Variants in AUTS2 observed in about 807,000 individuals in gnomAD.
AUTS2 encodes activator of transcription and developmental regulator AUTS2.
AUTS2 carries 17 observed loss-of-function variants against 112.4 expected under a neutral mutation model. The observed-to-expected ratio is 0.15, with a 90% CI of 0.10 to 0.23. AUTS2 has a LOEUF of 0.23. Among genes scored for constraint, AUTS2 ranks in the 10% least tolerant of loss-of-function variants. The probability of loss-of-function intolerance (pLI) is 1.00; values close to 1 mark genes in which losing one functional copy is unlikely to be tolerated. For synonymous variants in AUTS2, 751 were observed against 702.7 expected (o/e 1.07, Z -1.09); for missense variants, 1,510 against 1,701.6 (o/e 0.89, Z 1.98).
intron 4 of AUTS2, among the ~76,000 whole-genome samples, chr7:70,333,078 A>G (rs1248080416): frequency 6.6e-6 from 1 of 152,250 alleles, no homozygotes; most frequent in African/African-American, 2.4e-5. Context: ...ACAAAGAGCT[A>G]CTATCCAGAA....
chr7:70,588,644 T>C (rs924128617), intron 5 of AUTS2, among the ~76,000 whole-genome samples: 9 of 152,346 alleles, frequency 5.9e-5, no homozygotes, highest in South Asian at 2.1e-4. Context: ...CGCTGTTGCC[T>C]TTCAACAAGA....
At chr7:70,101,523 C>T (rs1302685496) in intron 2 of AUTS2, among the ~76,000 whole-genome samples, 1 of 151,872 alleles carries the variant, frequency 6.6e-6, no homozygotes, top group Non-Finnish European at 1.5e-5. Context: ...AGTGAAACAC[C>T]GTCTTTACTA....
intron 1 of AUTS2, among the ~76,000 whole-genome samples, chr7:69,712,236 T>C (rs560981883): frequency 6.6e-6 from 1 of 152,178 alleles, no homozygotes; most frequent in African/African-American, 2.4e-5. Flanking sequence ...TGAAGTAAAA[T>C]TGACATGTAA....
chr7:70,684,135 A>G (rs569679414), intron 5 of AUTS2, among the ~76,000 whole-genome samples: 9 of 134,864 alleles, frequency 6.7e-5, no homozygotes, highest in South Asian at 2.3e-4. Flanking sequence ...AAGGCTAGGG[A>G]AAAAAAAAAA....
At chr7:70,649,675 C>T (rs1192007370) in intron 5 of AUTS2, among the ~76,000 whole-genome samples, 1 of 152,042 alleles carries the variant, frequency 6.6e-6, no homozygotes, top group African/African-American at 2.4e-5. Context: ...ATTACAGGTG[C>T]CCACCACCAT....
intron 5 of AUTS2, among the ~76,000 whole-genome samples, chr7:70,469,743 C>T (rs12531095): frequency 2.6e-5 from 4 of 152,160 alleles, no homozygotes; most frequent in Admixed American, 6.5e-5. Context: ...TGGGTTCAAG[C>T]GATTCTCCTG....
chr7:69,974,702 A>C (rs1797987429), intron 2 of AUTS2, among the ~76,000 whole-genome samples: 1 of 152,170 alleles, frequency 6.6e-6, no homozygotes, highest in South Asian at 2.1e-4. Context: ...ACGTGCCCAA[A>C]TAGGGCATCT....
intron 1 of AUTS2, among the ~76,000 whole-genome samples, chr7:69,817,097 C>G (rs1470631825): frequency 6.6e-6 from 1 of 152,226 alleles, no homozygotes; most frequent in African/African-American, 2.4e-5. Context: ...GTTTGCCATT[C>G]TTCTTCATCA....
chr7:69,968,739 A>T (rs1797728021), intron 2 of AUTS2, among the ~76,000 whole-genome samples: 1 of 152,126 alleles, frequency 6.6e-6, no homozygotes, highest in Non-Finnish European at 1.5e-5. Flanking sequence ...AAATTGTGCG[A>T]CTGTCTTTAT....
chr7:70,307,528 A>T (rs1436552596), intron 4 of AUTS2, among the ~76,000 whole-genome samples: 1 of 152,230 alleles, frequency 6.6e-6, no homozygotes. Context: ...AGTTTTTCTT[A>T]TGTGCCAGAC....
At chr7:70,773,188 T>C (rs1405337699) in intron 11 of AUTS2, among the ~76,000 whole-genome samples, 2 of 152,146 alleles carry the variant, frequency 1.3e-5, no homozygotes. Context: ...CTTCTCCTTG[T>C]AGGCAAGCTT....
intron 4 of AUTS2, among the ~76,000 whole-genome samples, chr7:70,361,385 A>G (rs1792258959): frequency 6.6e-6 from 1 of 151,978 alleles, no homozygotes; most frequent in Non-Finnish European, 1.5e-5. Context: ...ACGATAGAGC[A>G]AAGTATTTTG....
chr7:69,705,334 T>C (rs1798019202), intron 1 of AUTS2, among the ~76,000 whole-genome samples: 1 of 152,244 alleles, frequency 6.6e-6, no homozygotes, highest in Admixed American at 6.5e-5. Flanking sequence ...GTGCTAGTAC[T>C]AAGAGCTGAT....
intron 5 of AUTS2, among the ~76,000 whole-genome samples, chr7:70,507,033 C>T (rs1798992515): frequency 6.6e-6 from 1 of 152,158 alleles, no homozygotes. Flanking sequence ...TGAGTGAGCA[C>T]CAACCCAAAT....
intron 1 of AUTS2, among the ~76,000 whole-genome samples, chr7:69,777,649 G>A (rs1344900895): frequency 6.6e-6 from 1 of 152,190 alleles, no homozygotes; most frequent in Non-Finnish European, 1.5e-5. Flanking sequence ...TAGGTGACCA[G>A]TAAGTGTTGA....
intron 5 of AUTS2, among the ~76,000 whole-genome samples, chr7:70,593,282 G>C (rs755751709): frequency 3.9e-5 from 6 of 152,166 alleles, no homozygotes; most frequent in Non-Finnish European, 7.3e-5. Context: ...ATAATGCTTC[G>C]TGCTGTGCAG....
chr7:70,271,866 C>T (rs1787708835), intron 4 of AUTS2, among the ~76,000 whole-genome samples: 1 of 152,204 alleles, frequency 6.6e-6, no homozygotes, highest in Non-Finnish European at 1.5e-5. Flanking sequence ...TTAAATTAAT[C>T]TTCCATTTAA....
intron 1 of AUTS2, among the ~76,000 whole-genome samples, chr7:69,798,058 G>A (rs913445865): frequency 6.6e-6 from 1 of 152,006 alleles, no homozygotes; most frequent in Admixed American, 6.6e-5. Flanking sequence ...GGGTCCTGAA[G>A]CTATCAAAGC....
At chr7:69,882,323 T>C (rs6460532) in intron 1 of AUTS2, among the ~76,000 whole-genome samples, 52,536 of 151,788 alleles carry the variant, frequency 0.35, 9,510 homozygotes, top group African/African-American at 0.46. Flanking sequence ...AATAAATAAG[T>C]AAATAATTTT....
Sources: gnomAD v4.1 joint callset for allele counts (sites outside exome capture counted in the v4.1 genomes callset) on GRCh38, gnomAD v4.1.1 for gene constraint, MANE v1.5 for transcripts, NCBI Gene and HGNC (gene_info 2026-07-23, HGNC 2026-07-21) for gene names.